Variants in DCDC2 observed in about 807,000 individuals in gnomAD.
DCDC2 encodes the protein doublecortin domain-containing protein 2.
DCDC2 carries 40 observed loss-of-function variants against 50.2 expected under a neutral mutation model. The ratio of observed to expected loss-of-function variants is 0.80; its 90% CI spans 0.62 to 1.04. The LOEUF is 1.04. Among genes scored for constraint, DCDC2 ranks in the 50% least tolerant of loss-of-function variants. The pLI, the probability that DCDC2 is intolerant of heterozygous loss-of-function variation, is 0.00. For missense variants in DCDC2, 570 were observed against 581.9 expected (o/e 0.98, Z 0.21); for synonymous variants, 234 against 210.6 (o/e 1.11, Z -0.96).
intron 2 of DCDC2, among the ~76,000 whole-genome samples, chr6:24,331,643 T>C (rs1007574917): frequency 2.0e-5 from 3 of 152,236 alleles, no homozygotes; most frequent in Admixed American, 6.5e-5. Flanking sequence ...TAAATGCTTT[T>C]AAGTATTTTT....
chr6:24,306,327 A>G (rs1181746359), intron 2 of DCDC2, among the ~76,000 whole-genome samples: 1 of 152,186 alleles, frequency 6.6e-6, no homozygotes, highest in African/African-American at 2.4e-5. Context: ...GGACACACTG[A>G]TGACTGACCT....
chr6:24,381,266 T>C, the DCDC2 span, among the ~76,000 whole-genome samples: 5 of 152,120 alleles, frequency 3.3e-5, no homozygotes, highest in Non-Finnish European at 5.9e-5. Context: ...TCTATTGTCT[T>C]AGCAAATTTC....
At chr6:24,315,913 T>C (rs971590319) in intron 2 of DCDC2, among the ~76,000 whole-genome samples, 3 of 152,002 alleles carry the variant, frequency 2.0e-5, no homozygotes, top group Admixed American at 6.6e-5. Context: ...TCAGAGATGG[T>C]GGTAGCTTTT....
chr6:24,302,800 T>G (rs991972187), intron 2 of DCDC2, among the ~76,000 whole-genome samples: 3 of 151,988 alleles, frequency 2.0e-5, no homozygotes, highest in Non-Finnish European at 2.9e-5. Flanking sequence ...CACAGTTCTT[T>G]TTTCCATTTC....
chr6:24,380,425 A>G, the DCDC2 span, among the ~76,000 whole-genome samples: 4 of 152,188 alleles, frequency 2.6e-5, no homozygotes, highest in African/African-American at 9.7e-5. Context: ...CTTAAAGTGG[A>G]CTGAAGATGA....
chr6:24,251,063 T>C (rs1581611832), intron 7 of DCDC2, among the ~76,000 whole-genome samples: 1 of 152,340 alleles, frequency 6.6e-6, no homozygotes, highest in Non-Finnish European at 1.5e-5. Context: ...CATCTATTAT[T>C]AAAATTTGTA....
intron 6 of DCDC2, among the ~76,000 whole-genome samples, chr6:24,286,612 C>T (rs1205603977): frequency 6.7e-6 from 1 of 149,904 alleles, no homozygotes; most frequent in East Asian, 1.9e-4. Context: ...AAAAAAACCA[C>T]CTGCAACTGC....
chr6:24,261,460 G>T (rs1046734588), intron 7 of DCDC2, among the ~76,000 whole-genome samples: 4 of 151,904 alleles, frequency 2.6e-5, no homozygotes, highest in African/African-American at 9.7e-5. Context: ...CCTGAGTATG[G>T]GATGGGCTGG....
rs368093404 is a variant in DCDC2 at position 24,301,909 on chromosome 6, A to G, written c.425+59T>C. On this transcript the variant is annotated intron_variant, in intron 3 of 9. Transcript: ENST00000378454. ...CCTTGAAAACTACAACACAAATTCC[A>G]AACCAAAAGGAAACCACCAAGCCAA... 8.2e-4 allele frequency: 1,320 copies of G among 1,612,480 alleles called. 3 individuals carry two copies. Among genetic ancestry groups the G allele is most frequent in the Non-Finnish European group, 1.1e-3 (1,262 of 1,179,274 alleles).
At chr6:24,265,930 A>T (rs1286172867) in intron 7 of DCDC2, among the ~76,000 whole-genome samples, 1 of 148,044 alleles carries the variant, frequency 6.8e-6, no homozygotes, top group Non-Finnish European at 1.5e-5. Context: ...CAAAAAATAC[A>T]AAAGATCAAT....
chr6:24,268,517 G>A (rs576660171), intron 7 of DCDC2, among the ~76,000 whole-genome samples: 10 of 152,182 alleles, frequency 6.6e-5, no homozygotes, highest in Admixed American at 4.6e-4. Flanking sequence ...CAAAAAGTGC[G>A]TGAAACTACT....
At chr6:24,209,383 C>T (rs1191228867) in intron 7 of DCDC2, among the ~76,000 whole-genome samples, 5 of 152,216 alleles carry the variant, frequency 3.3e-5, no homozygotes, top group Admixed American at 2.0e-4. Flanking sequence ...GCTACAGCAA[C>T]ATCAGCTATT....
upstream of DCDC2, among the ~76,000 whole-genome samples, chr6:24,360,351 G>A (rs1760646390): frequency 6.6e-6 from 1 of 152,192 alleles, no homozygotes. Flanking sequence ...TGTGTGCAAG[G>A]CCCTGTGCTA....
rs541129856 is a variant in DCDC2, at chr6:24,322,923, G to C, written c.349-20879C>G. Among the ~76,000 whole-genome samples, 145 of 152,254 alleles carry C rather than the reference G, an allele frequency of 9.5e-4. 1 individual carries two copies. In the South Asian group the frequency reaches 1.0e-2, roughly 10 times the overall value. ...CACAGGCCATGGTCACTCATATTTG[G>C]ATCAGAATTAACCTCTTAAAATATT... On this transcript the variant is annotated intron_variant, in intron 2 of 9. Coordinates refer to ENST00000378454, the MANE Select transcript of DCDC2 (RefSeq NM_016356.5).
chr6:24,263,317 G>A (rs1055985670), intron 7 of DCDC2, among the ~76,000 whole-genome samples: 1 of 152,088 alleles, frequency 6.6e-6, no homozygotes, highest in Non-Finnish European at 1.5e-5. Flanking sequence ...ATATCTAACC[G>A]TTCAATGCTC....
chr6:24,187,430 G>A (rs151067429), intron 8 of DCDC2, among the ~76,000 whole-genome samples: 1,649 of 152,076 alleles, frequency 0.011, 15 homozygotes, highest in Middle Eastern at 0.027. Flanking sequence ...GCTCCCTCAG[G>A]TGGCCGTCAC....
chr6:24,247,952 T>G (rs1377085831), intron 7 of DCDC2, among the ~76,000 whole-genome samples: 1 of 152,186 alleles, frequency 6.6e-6, no homozygotes, highest in Non-Finnish European at 1.5e-5. Context: ...GGCGGATGCC[T>G]GTAATCCCAG....
chr6:24,257,670 G>A (rs1487336921), intron 7 of DCDC2, among the ~76,000 whole-genome samples: 2 of 151,152 alleles, frequency 1.3e-5, no homozygotes, highest in Non-Finnish European at 2.9e-5. Context: ...TATGTAGGGA[G>A]GCTTGTGGAA....
At chr6:24,318,260 T>C (rs1937333817) in intron 2 of DCDC2, among the ~76,000 whole-genome samples, 1 of 152,090 alleles carries the variant, frequency 6.6e-6, no homozygotes, top group African/African-American at 2.4e-5. Flanking sequence ...TAAATGTCCA[T>C]ACATAGGAGA....
Sources: gnomAD v4.1 joint callset for allele counts (sites outside exome capture counted in the v4.1 genomes callset) on GRCh38, gnomAD v4.1.1 for gene constraint, MANE v1.5 for transcripts, NCBI Gene and HGNC (gene_info 2026-07-23, HGNC 2026-07-21) for gene names.